The following CADM2 variants were observed in gnomAD, a reference collection of about 807,000 sequenced individuals.
CADM2 encodes the protein immunoglobulin superfamily member 4D.
Under a neutral mutation model 49.8 loss-of-function variants are expected in CADM2, and 12 were observed. The observed-to-expected ratio is 0.24, with a 90% confidence interval of 0.15 to 0.39. CADM2 has a LOEUF of 0.39. CADM2 is among the 10% of genes least tolerant of loss of function. The pLI is 1.00. For synonymous variants in CADM2, 214 were observed against 175.4 expected, an observed-to-expected ratio of 1.22 and a Z score of -1.74; for missense variants, 378 against 492.3, an observed-to-expected ratio of 0.77 and a Z score of 2.20.
chr3:85,601,171 T>C (rs199774049), intron 1 of CADM2, among the ~76,000 whole-genome samples: 51,481 of 96,946 alleles, frequency 0.53, 14,147 homozygotes, highest in East Asian at 0.81. Context: ...TATATATATA[T>C]ATACACACAC....
intron 1 of CADM2, among the ~76,000 whole-genome samples, chr3:85,477,195 C>T (rs1456073579): frequency 6.8e-6 from 1 of 147,444 alleles, no homozygotes. Context: ...TTCTTAATGA[C>T]TCCAAAATTT....
intron 1 of CADM2, among the ~76,000 whole-genome samples, chr3:85,668,295 C>CAAAAAAAAAAA (rs11447925): frequency 1.2e-5 from 1 of 81,752 alleles, no homozygotes; most frequent in African/African-American, 4.5e-5. Context: ...AGTACCAAAG[C>CAAAAAAAAAAA]AAAAAAAAAA....
intron 5 of CADM2, among the ~76,000 whole-genome samples, chr3:85,891,670 T>C (rs1295029042): frequency 6.6e-6 from 1 of 152,178 alleles, no homozygotes; most frequent in Admixed American, 6.5e-5. Flanking sequence ...ATGCTGTGAA[T>C]TGTTTACGGG....
In CADM2 at chr3:85,680,649, C is replaced by T. The variant is rs568490136; in HGVS notation, c.62-45873C>T. Among the ~76,000 whole-genome samples, 28 of 152,080 alleles carry T rather than the reference C, an allele frequency of 1.8e-4. 1 individual carries two copies. Among genetic ancestry groups the T allele is most frequent in the Middle Eastern group, 6.8e-3 (2 of 292 alleles). On this transcript the variant is annotated intron_variant, in intron 1 of 9. Coordinates refer to ENST00000383699, the MANE Select transcript of CADM2 (RefSeq NM_001167675.2). ...AAATATATACATACCCATAGAGAGA[C>T]GTTTTATGATTATTTTAATAGAACT...
At chr3:85,132,235 G>A (rs963935495) in intron 1 of CADM2, among the ~76,000 whole-genome samples, 1 of 152,152 alleles carries the variant, frequency 6.6e-6, no homozygotes, top group African/African-American at 2.4e-5. Context: ...GTTTCTTGTA[G>A]TTTAGCTTTG....
intron 1 of CADM2, among the ~76,000 whole-genome samples, chr3:85,671,085 G>A (rs1428898936): frequency 6.6e-6 from 1 of 152,158 alleles, no homozygotes; most frequent in African/African-American, 2.4e-5. Flanking sequence ...GGCATTAAAA[G>A]TGCTTTGTTG....
chr3:85,275,010 C>G (rs894043700), intron 1 of CADM2, among the ~76,000 whole-genome samples: 2 of 151,216 alleles, frequency 1.3e-5, no homozygotes, highest in African/African-American at 4.8e-5. Context: ...AAGGAAAAAG[C>G]CTAGCCATAG....
chr3:85,791,976 G>T (rs1192602860), intron 2 of CADM2, among the ~76,000 whole-genome samples: 1 of 152,100 alleles, frequency 6.6e-6, no homozygotes, highest in Non-Finnish European at 1.5e-5. Flanking sequence ...GCCCACCTCG[G>T]CCTCCCAAAG....
chr3:85,338,857 GAT>G (rs2045163422), intron 1 of CADM2, among the ~76,000 whole-genome samples: 1 of 151,446 alleles, frequency 6.6e-6, no homozygotes, highest in Non-Finnish European at 1.5e-5. Context: ...CATCTACTTA[GAT>G]ATAGATCACA....
intron 3 of CADM2, among the ~76,000 whole-genome samples, chr3:85,866,655 A>T (rs933486612): frequency 3.3e-5 from 5 of 152,106 alleles, no homozygotes; most frequent in Non-Finnish European, 7.4e-5. Context: ...TTTTGAAGGA[A>T]TGTTTTAATT....
intron 1 of CADM2, among the ~76,000 whole-genome samples, chr3:85,693,566 C>CAAAAAA (rs562723713): frequency 3.2e-4 from 24 of 75,978 alleles, no homozygotes; most frequent in African/African-American, 5.5e-4. Flanking sequence ...GGCGAAAGAG[C>CAAAAAA]AAAAAAAAAA....
chr3:85,834,970 A>T (rs573701599), intron 3 of CADM2, among the ~76,000 whole-genome samples: 1 of 151,600 alleles, frequency 6.6e-6, no homozygotes, highest in African/African-American at 2.4e-5. Flanking sequence ...TATTCATTCA[A>T]TGTGTGGCTA....
At chr3:85,427,139 T>C (rs2107511705) in intron 1 of CADM2, among the ~76,000 whole-genome samples, 1 of 145,550 alleles carries the variant, frequency 6.9e-6, no homozygotes, top group East Asian at 2.0e-4. Flanking sequence ...AGTTGAAACA[T>C]TACTCACTGA....
rs55801641 is a variant in CADM2, at chr3:85,536,392, T to TA, written c.62-190120dup. Among the ~76,000 whole-genome samples the TA allele has an allele frequency of 1.9e-3, 292 of 151,046 alleles. 1 individual carries two copies. Among genetic ancestry groups the TA allele is most frequent in the African/African-American group, 6.7e-3 (273 of 41,040 alleles). The stretch of plus-strand genomic sequence containing the variant: ...CTGAGGAGCTAAATATTCCTTTTTC[T>TA]AAAAAAAAAATGATGTTTATGTTAA... On this transcript the variant is annotated intron_variant, in intron 1 of 9. Transcript: ENST00000383699.
chr3:85,649,595 A>C (rs2064986572), intron 1 of CADM2, among the ~76,000 whole-genome samples: 3 of 152,214 alleles, frequency 2.0e-5, no homozygotes, highest in Admixed American at 1.3e-4. Context: ...TAGTTAAGTT[A>C]CCTTAAGAGA....
In CADM2 at chr3:85,185,300, A is replaced by G. The variant is rs567035705; in HGVS notation, c.61+225632A>G. On this transcript the variant is annotated intron_variant, in intron 1 of 9. Coordinates refer to ENST00000383699, the MANE Select transcript of CADM2 (RefSeq NM_001167675.2). The stretch of plus-strand genomic sequence containing the variant: ...TTTATTTCAAGATTGGCATCTAACT[A>G]CTCTTTCTGTTCCTTGGGAAACAAA... Among the ~76,000 whole-genome samples, 286 of 150,080 alleles carry G rather than the reference A, an allele frequency of 1.9e-3. 1 individual carries two copies. The highest frequency in any genetic ancestry group is 6.9e-3 in the African/African-American group (278 of 40,054).
intron 1 of CADM2, among the ~76,000 whole-genome samples, chr3:85,597,236 G>T (rs1042939570): frequency 6.6e-6 from 1 of 151,964 alleles, no homozygotes; most frequent in Non-Finnish European, 1.5e-5. Context: ...GTACACGTAA[G>T]AAGCTTATAC....
intron 1 of CADM2, among the ~76,000 whole-genome samples, chr3:85,430,832 A>C (rs1279502438): frequency 6.6e-6 from 1 of 152,150 alleles, no homozygotes; most frequent in Non-Finnish European, 1.5e-5. Flanking sequence ...GGAAATAAGC[A>C]GAAGGGATCT....
At chr3:85,127,606 A>G (rs563765990) in intron 1 of CADM2, among the ~76,000 whole-genome samples, 97 of 152,294 alleles carry the variant, frequency 6.4e-4, no homozygotes, top group African/African-American at 2.2e-3. Context: ...GAGAAAATCA[A>G]ACAATGCTTT....
Sources: allele counts gnomAD v4.1 joint callset (sites outside exome capture counted in the v4.1 genomes callset), GRCh38; gene constraint gnomAD v4.1.1; transcripts MANE v1.5; gene names NCBI Gene and HGNC (gene_info 2026-07-23, HGNC 2026-07-21).